Variants in MYH11 observed in about 807,000 individuals in gnomAD.
MYH11 encodes myosin-11.
Under a neutral mutation model 246.6 loss-of-function variants are expected in MYH11, and 80 were observed. That is an observed-to-expected ratio of 0.32 (90% CI 0.27 to 0.39). MYH11 has a LOEUF of 0.39. Among genes scored for constraint, MYH11 ranks in the 10% least tolerant of loss-of-function variants. The pLI, the probability that MYH11 is intolerant of heterozygous loss-of-function variation, is 1.00. For missense variants in MYH11, 2,158 were observed against 2,546.8 expected, an observed-to-expected ratio of 0.85 and a Z score of 3.29; for synonymous variants, 1,071 against 1,015.5, an observed-to-expected ratio of 1.05 and a Z score of -1.04.
chr16:15,764,688 G>A (rs1469545303), intron 9 of MYH11, among the ~76,000 whole-genome samples: 1 of 152,164 alleles, frequency 6.6e-6, no homozygotes, highest in African/African-American at 2.4e-5. Context: ...CCATGGGGCT[G>A]GTGGCATTGT....
chr16:15,738,450 C>T, intron 24 of MYH11, 115 bp downstream of exon 24: 2 of 996,912 alleles, frequency 2.0e-6, no homozygotes, highest in Non-Finnish European at 2.9e-6. Flanking sequence ...GAGTTTCGGG[C>T]TGCAGTGAGC....
chr16:15,714,773 G>C, intron 40 of MYH11, 136 bp downstream of exon 40: 1 of 1,131,684 alleles, frequency 8.8e-7, no homozygotes, highest in Non-Finnish European at 1.3e-6. Flanking sequence ...AGTGATTAAG[G>C]AGAAGCAGGA....
In MYH11 at chr16:15,741,651, G is replaced by T; in HGVS notation, c.2671C>A (p.Leu891Met). 4 of 1,613,686 alleles carry T rather than the reference G, an allele frequency of 2.5e-6. No individual in the cohort carries two copies. Among genetic ancestry groups the T allele is most frequent in the Non-Finnish European group, 3.4e-6 (4 of 1,180,036 alleles). The change falls in exon 22 of 41, where the codon CTG becomes ATG. Residue 891 changes from leucine to methionine, a missense_variant. Physicochemically the swap from Leu to Met is conservative, Grantham distance 15. Coordinates refer to ENST00000300036, the MANE Select transcript of MYH11 (RefSeq NM_002474.3). Reference protein sequence around the residue: ...KHSQLTEEKNLLQEQLQAETE... With the variant: ...KHSQLTEEKNMLQEQLQAETE... ...TCTGCCTGCAGCTGTTCCTGTAGCA[G>T]GTTCTTCTCCTCGGTCAGCTGCACG...
chr16:15,837,673 T>C (rs1204999563), intron 2 of MYH11, among the ~76,000 whole-genome samples: 2 of 152,104 alleles, frequency 1.3e-5, no homozygotes, highest in South Asian at 4.2e-4. Context: ...TAGCTGGGAT[T>C]ACAGATGCGC....
chr16:15,847,023 G>C (rs1233092145), intron 1 of MYH11, among the ~76,000 whole-genome samples: 1 of 152,032 alleles, frequency 6.6e-6, no homozygotes, highest in Admixed American at 6.6e-5. Flanking sequence ...TACTTTTTTG[G>C]TTGTAAAGTA....
intron 5 of MYH11, among the ~76,000 whole-genome samples, chr16:15,784,499 G>T (rs1325907939): frequency 1.3e-5 from 2 of 152,048 alleles, no homozygotes; most frequent in Non-Finnish European, 2.9e-5. Flanking sequence ...GGTGGTAAAT[G>T]CACCCCCACA....
intron 7 of MYH11, among the ~76,000 whole-genome samples, chr16:15,776,927 G>T (rs1203463280): frequency 6.6e-6 from 1 of 152,130 alleles, no homozygotes; most frequent in East Asian, 1.9e-4. Flanking sequence ...GTACTGGGTG[G>T]ATTTCCACAG....
chr16:15,740,180 T>C lies in MYH11; in HGVS notation c.2868A>G (p.Glu956=). 1 of 1,614,242 alleles carries C rather than the reference T, an allele frequency of 6.2e-7. No homozygotes were observed. The highest frequency in any genetic ancestry group is 8.5e-7 in the Non-Finnish European group (1 of 1,180,046). Residue 956 remains glutamate, a synonymous_variant, in exon 23 of 41, where the codon GAA becomes GAG. Coordinates refer to ENST00000300036, the MANE Select transcript of MYH11 (RefSeq NM_002474.3). ...KKMAQQMLDL[E]EQLEEEEAAR... ...CAGCTTCCTCCTCCTCCAGCTGTTCTTCAAGGTCCTTTGTTGTGGAGGGAA... is the reference window on the plus strand; with the variant it reads ...CAGCTTCCTCCTCCTCCAGCTGTTCCTCAAGGTCCTTTGTTGTGGAGGGAA...
At chr16:15,761,933 T>C (rs1223380099) in intron 10 of MYH11, among the ~76,000 whole-genome samples, 1 of 152,200 alleles carries the variant, frequency 6.6e-6, no homozygotes, top group Non-Finnish European at 1.5e-5. Context: ...GAACCATTTG[T>C]GGGTGTAAGC....
intron 8 of MYH11, among the ~76,000 whole-genome samples, chr16:15,775,206 T>C (rs1206314433): frequency 6.6e-6 from 1 of 152,212 alleles, no homozygotes; most frequent in Non-Finnish European, 1.5e-5. Flanking sequence ...AACTTCCTAC[T>C]GGAGTTTGGT....
At chr16:15,713,838 A>AG (rs1012592597) in intron 40 of MYH11, 3 of 152,616 alleles carry the variant, frequency 2.0e-5, no homozygotes, top group African/African-American at 7.2e-5. Flanking sequence ...GCAATGCAAG[A>AG]GGGGGAACCG....
intron 1 of MYH11, among the ~76,000 whole-genome samples, chr16:15,844,603 T>C (rs1419515768): frequency 6.6e-6 from 1 of 152,132 alleles, no homozygotes; most frequent in Non-Finnish European, 1.5e-5. Flanking sequence ...ACATGTATAA[T>C]CCCATATTTT....
At chr16:15,815,160 C>G (rs2043234991) in intron 3 of MYH11, among the ~76,000 whole-genome samples, 1 of 152,154 alleles carries the variant, frequency 6.6e-6, no homozygotes, top group African/African-American at 2.4e-5. Flanking sequence ...CACTGAGCTT[C>G]CATCAACAAT....
At chr16:15,742,011 GAT>G in intron 20 of MYH11, 120 bp from the exon 21 acceptor site, 20 of 1,449,350 alleles carry the variant, frequency 1.4e-5, no homozygotes, top group East Asian at 2.5e-5. Context: ...CCCACTAGGG[GAT>G]ATTGTCTGGA....
At chr16:15,721,811 A>G (rs2040500891) in intron 31 of MYH11, 177 bp from the exon 32 acceptor site, 2 of 655,052 alleles carry the variant, frequency 3.1e-6, no homozygotes, top group East Asian at 5.5e-5. Flanking sequence ...TTCTACATCA[A>G]CCTTATGCAG....
At chr16:15,721,183 T>C (rs984762902) in intron 32 of MYH11, 132 bp from the exon 33 acceptor site, 2 of 1,058,928 alleles carry the variant, frequency 1.9e-6, no homozygotes, top group African/African-American at 3.1e-5. Flanking sequence ...TGGCCGGGAC[T>C]CAAGATGACC....
chr16:15,779,990 G>A (rs1338288060), intron 6 of MYH11, among the ~76,000 whole-genome samples: 1 of 152,230 alleles, frequency 6.6e-6, no homozygotes. Context: ...ACATGCAGTA[G>A]AGTGATTTGG....
At chr16:15,843,600 G>A (rs1320604256) in intron 1 of MYH11, among the ~76,000 whole-genome samples, 1 of 151,884 alleles carries the variant, frequency 6.6e-6, no homozygotes, top group East Asian at 1.9e-4. Flanking sequence ...GGCTGAGGCA[G>A]GAGAATGGTG....
Position 15,747,658 on chromosome 16 carries a change from G to A in MYH11, c.2323C>T (p.Leu775=). The A allele has an allele frequency of 6.2e-7, 1 of 1,614,130 alleles. No individual in the cohort carries two copies. The highest frequency in any genetic ancestry group is 8.5e-7 in the Non-Finnish European group (1 of 1,180,034). ...QSKIFFRTGV[L]AHLEEERDLK... The stretch of plus-strand genomic sequence containing the variant: ...TCTCGCTCCTCCTCTAGGTGGGCCA[G>A]GACGCCAGTTCGGAAGAAGATTTTG... Residue 775 remains leucine, a synonymous_variant, in exon 19 of 41, where the codon CTG becomes TTG. Coordinates refer to ENST00000300036, the MANE Select transcript of MYH11 (RefSeq NM_002474.3).
Sources: gnomAD v4.1 joint callset for allele counts (sites outside exome capture counted in the v4.1 genomes callset) on GRCh38, gnomAD v4.1.1 for gene constraint, MANE v1.5 for transcripts, NCBI Gene and HGNC (gene_info 2026-07-23, HGNC 2026-07-21) for gene names.